The following GRB10 variants were observed in gnomAD, a reference collection of about 807,000 sequenced individuals.
GRB10 encodes growth factor receptor-bound protein 10.
Under a neutral mutation model 80.9 loss-of-function variants are expected in GRB10, and 20 were observed. That is an observed-to-expected ratio of 0.25 (90% CI 0.17 to 0.36). The LOEUF (loss-of-function observed/expected upper bound fraction) is 0.36. Ranked by LOEUF, GRB10 falls within the 10% of genes least tolerant of loss-of-function variation. The pLI is 1.00. For synonymous variants in GRB10, 291 were observed against 291.5 expected, an observed-to-expected ratio of 1.00 and a Z score of 0.02; for missense variants, 548 against 747.7, an observed-to-expected ratio of 0.73 and a Z score of 3.12.
intron 4 of GRB10, among the ~76,000 whole-genome samples, chr7:50,720,781 TA>T (rs778346917): frequency 7.7e-3 from 1,075 of 140,282 alleles, no homozygotes; most frequent in African/African-American, 8.3e-3. Context: ...AGTACACCAT[TA>T]AAAAAAAAAA....
intron 5 of GRB10, among the ~76,000 whole-genome samples, chr7:50,680,032 T>G (rs1403972096): frequency 6.6e-6 from 1 of 152,214 alleles, no homozygotes; most frequent in Non-Finnish European, 1.5e-5. Context: ...GTAAGTAGAA[T>G]AAGAAAACCA....
chr7:50,733,276 G>C (rs1007733714), intron 3 of GRB10, among the ~76,000 whole-genome samples: 25 of 152,204 alleles, frequency 1.6e-4, no homozygotes, highest in African/African-American at 5.1e-4. Flanking sequence ...CGATACCTTT[G>C]ATCATGGACT....
At chr7:50,703,421 G>C (rs1026629723) in intron 5 of GRB10, among the ~76,000 whole-genome samples, 8 of 152,214 alleles carry the variant, frequency 5.3e-5, no homozygotes, top group Non-Finnish European at 1.0e-4. Flanking sequence ...AATATTAATA[G>C]AAGGAACAGA....
chr7:50,655,201 C>T (rs2058516350), intron 7 of GRB10, among the ~76,000 whole-genome samples: 2 of 152,164 alleles, frequency 1.3e-5, no homozygotes. Flanking sequence ...CCCCTGGGTG[C>T]CACAGCTCAG....
chr7:50,723,169 C>G (rs546976020), intron 4 of GRB10, among the ~76,000 whole-genome samples: 1 of 151,354 alleles, frequency 6.6e-6, no homozygotes, highest in Admixed American at 6.6e-5. Context: ...GCTTTTTTTT[C>G]TTTAAAAAAA....
intron 7 of GRB10, among the ~76,000 whole-genome samples, chr7:50,666,146 CT>C (rs891371700): frequency 1.8e-4 from 28 of 152,218 alleles, no homozygotes; most frequent in African/African-American, 6.5e-4. Context: ...TGGCTGCTCT[CT>C]TTTGGCACAT....
At chr7:50,673,752 CAGA>C (rs943959674) in intron 6 of GRB10, among the ~76,000 whole-genome samples, 1 of 152,142 alleles carries the variant, frequency 6.6e-6, no homozygotes, top group Non-Finnish European at 1.5e-5. Context: ...CACGCCTGTC[CAGA>C]ACTCTTTCTC....
At chr7:50,749,130 G>GTTTTT (rs71018483) in intron 3 of GRB10, among the ~76,000 whole-genome samples, 4 of 139,544 alleles carry the variant, frequency 2.9e-5, no homozygotes, top group South Asian at 2.2e-4. Context: ...TTGTTTTTTT[G>GTTTTT]TTTGTTTTTT....
At chr7:50,618,656 G>C (rs1002393189) in intron 9 of GRB10, among the ~76,000 whole-genome samples, 1 of 152,230 alleles carries the variant, frequency 6.6e-6, no homozygotes, top group African/African-American at 2.4e-5. Context: ...AGTGCCCCAG[G>C]AGCTAGGAGG....
chr7:50,651,121 T>G (rs10261940), intron 7 of GRB10, among the ~76,000 whole-genome samples: 57,475 of 152,036 alleles, frequency 0.38, 11,284 homozygotes, highest in Middle Eastern at 0.52. Flanking sequence ...CTATTCCTCC[T>G]ACGGTCTGAT....
intron 4 of GRB10, among the ~76,000 whole-genome samples, chr7:50,721,114 C>T (rs566210115): frequency 2.0e-5 from 3 of 152,248 alleles, no homozygotes; most frequent in East Asian, 1.9e-4. Flanking sequence ...TACCCAAACA[C>T]GAAACTATTT....
chr7:50,598,005 A>C (rs1470331851), intron 17 of GRB10, among the ~76,000 whole-genome samples: 3 of 150,812 alleles, frequency 2.0e-5, no homozygotes, highest in African/African-American at 5.0e-5. Flanking sequence ...CTGGGACTAC[A>C]GGTGCCCGCC....
Position 50,674,515 on chromosome 7 carries a change from G to A in GRB10, c.283C>T (p.Pro95Ser), listed in dbSNP as rs80244589. The A allele has an allele frequency of 1.6e-4, 265 of 1,610,322 alleles. 2 individuals carry two copies. The East Asian group carries it at 5.3e-3, about 33-fold the overall frequency. ...HARSQPRASG[P>S]PRSIQPQVSP... ...ACCTGTGGCTGGATGGACCGAGGAG[G>A]GCCTGAAGCCCGAGGCTGGCTGCGG... The change falls in exon 6 of 19, where the codon CCT (proline) becomes TCT (serine). Residue 95 changes from proline to serine, a missense_variant. Pro to Ser is a moderately conservative substitution (Grantham distance 74). This residue lies in a region of GRB10 where 245 missense variants were observed against 229.3 expected (regional missense o/e 1.07). Coordinates refer to ENST00000401949, the MANE Select transcript of GRB10 (RefSeq NM_001350814.2).
intron 4 of GRB10, among the ~76,000 whole-genome samples, chr7:50,720,491 C>T (rs1587450267): frequency 6.6e-6 from 1 of 152,136 alleles, no homozygotes; most frequent in East Asian, 1.9e-4. Context: ...CCATCTGACA[C>T]CAGGCGCCAA....
chr7:50,628,116 C>G (rs978941198), intron 7 of GRB10, among the ~76,000 whole-genome samples: 2 of 152,232 alleles, frequency 1.3e-5, no homozygotes, highest in African/African-American at 4.8e-5. Flanking sequence ...GTCAGAAAAA[C>G]CCCCGCTCAA....
intron 4 of GRB10, among the ~76,000 whole-genome samples, chr7:50,704,289 T>C (rs1285469855): frequency 1.3e-5 from 2 of 152,220 alleles, no homozygotes; most frequent in Non-Finnish European, 2.9e-5. Context: ...GGCGTTCTAT[T>C]ACCTGGGACA....
At chr7:50,736,281 A>G (rs2070779246) in intron 3 of GRB10, among the ~76,000 whole-genome samples, 1 of 151,994 alleles carries the variant, frequency 6.6e-6, no homozygotes, top group Non-Finnish European at 1.5e-5. Context: ...GCCAGACTTC[A>G]TCTCAAAAAA....
At chr7:50,722,972 A>G (rs1406405656) in intron 4 of GRB10, among the ~76,000 whole-genome samples, 1 of 152,174 alleles carries the variant, frequency 6.6e-6, no homozygotes, top group Non-Finnish European at 1.5e-5. Context: ...AAGCTGAAAA[A>G]TCCATATAAG....
chr7:50,765,415 A>C (rs1208427112), intron 2 of GRB10, among the ~76,000 whole-genome samples: 1 of 152,260 alleles, frequency 6.6e-6, no homozygotes, highest in Admixed American at 6.5e-5. Context: ...AATCGATCTA[A>C]GTGTCCAACA....
Sources: gnomAD v4.1 joint callset for allele counts (sites outside exome capture counted in the v4.1 genomes callset) on GRCh38, gnomAD v4.1.1 for gene constraint, gnomAD v4.1.1 regional missense constraint, MANE v1.5 for transcripts, NCBI Gene and HGNC (gene_info 2026-07-23, HGNC 2026-07-21) for gene names.